The following ITGA2 variants were observed in gnomAD, a reference collection of about 807,000 sequenced individuals.
ITGA2 encodes the protein integrin subunit alpha 2.
Under a neutral mutation model 146.3 loss-of-function variants are expected in ITGA2, and 101 were observed. The ratio of observed to expected loss-of-function variants is 0.69; its 90% confidence interval spans 0.59 to 0.81. ITGA2 has a LOEUF of 0.81. ITGA2 is among the 40% of genes least tolerant of loss of function. ITGA2 has a pLI of 0.00. For synonymous variants in ITGA2, 477 were observed against 487.1 expected (o/e 0.98, Z 0.27); for missense variants, 1,281 against 1,402.7 (o/e 0.91, Z 1.39).
At position 53,089,972 on chromosome 5, in the gene ITGA2, T is replaced by C. The variant is rs771104266; in HGVS notation, c.3375T>C (p.Asp1125=). 35 of 1,610,882 alleles carry C rather than the reference T, an allele frequency of 2.2e-5. No homozygotes were observed. Among genetic ancestry groups the C allele is most frequent in the Non-Finnish European group, 2.8e-5 (33 of 1,177,198 alleles). ...TTCCCCTGATGATAATGAAACCTGA[T>C]GAGAAAGCCGAAGTACCAACAGGAG... ...VTIPLMIMKP[D]EKAEVPTGVI... is the part of the protein sequence containing the mutation. The change falls in exon 29 of 30, where the codon GAT becomes GAC. Residue 1125 remains aspartate, a synonymous_variant. Coordinates refer to ENST00000296585, the MANE Select transcript of ITGA2 (RefSeq NM_002203.4).
chr5:53,080,654 C>T lies in ITGA2; in HGVS notation c.3039+33C>T. 2 of 1,435,806 alleles carry T rather than the reference C, an allele frequency of 1.4e-6. 1 individual carries two copies. 88.9% of individuals were successfully genotyped at this position (1,435,806 alleles called of 1,614,324 possible). A position where few individuals can be genotyped will look rare whatever the true frequency, so the allele number is the denominator to read the frequency against. On this transcript the variant is annotated intron_variant, in intron 25 of 29. Coordinates refer to ENST00000296585, the MANE Select transcript of ITGA2 (RefSeq NM_002203.4). ...TTAAAAAATTGCCTAAAAATGTGTA[C>T]TTTCAAGATGTAAATAACCCATGAG... is the stretch of plus-strand genomic sequence containing the variant.
chr5:53,010,227 C>A (rs543377659), intron 1 of ITGA2, among the ~76,000 whole-genome samples: 1 of 152,212 alleles, frequency 6.6e-6, no homozygotes, highest in South Asian at 2.1e-4. Flanking sequence ...AAAATGTTAT[C>A]TCAGCAGAAG....
chr5:53,042,134 A>C lies in ITGA2; in HGVS notation c.208A>C (p.Ser70Arg). Residue 70 changes from serine (S) to arginine (R), a missense_variant, in exon 3 of 30, where the codon AGT becomes CGT. Ser to Arg is a moderately radical substitution (Grantham distance 110). Transcript: ENST00000296585. ...TAGGTTACTGGTTGGTTCACCCTGG[A>C]GTGGCTTTCCTGAGAACCGAATGGG... ...GNWLLVGSPWSGFPENRMGDV... is the reference protein window; with the variant it reads ...GNWLLVGSPWRGFPENRMGDV... 6.2e-7 allele frequency: 1 copy of C among 1,612,844 alleles called. No individual in the cohort carries two copies. The highest frequency in any genetic ancestry group is 8.5e-7 in the Non-Finnish European group (1 of 1,178,864).
intron 9 of ITGA2, 86 bp from the exon 10 acceptor site, chr5:53,057,939 T>C: frequency 1.2e-6 from 1 of 868,508 alleles, no homozygotes; most frequent in East Asian, 2.5e-5. Context: ...TTTGTAGGCA[T>C]GTGTGTACAT....
chr5:53,090,567 G>C lies in ITGA2; in HGVS notation c.3514G>C (p.Glu1172Gln), dbSNP rs1740364164. 6.2e-7 allele frequency: 1 copy of C among 1,613,946 alleles called. No individual in the cohort carries two copies. ...TGAAAAGATGACCAAAAATCCAGAT[G>C]AGATTGATGAGACCACAGAGCTCAG... ...KYEKMTKNPD[E>Q]IDETTELSS Residue 1172 changes from glutamate (E) to glutamine (Q), a missense_variant, in exon 30 of 30, where the codon GAG becomes CAG. Glu to Gln is a conservative substitution (Grantham distance 29). Around this residue, in one of 3 missense-constraint regions of ITGA2, gnomAD observed 475 missense variants for 530.5 expected, o/e 0.90. Transcript: ENST00000296585.
At position 53,060,934 on chromosome 5, in the gene ITGA2, G is replaced by A. The variant is rs201736329; in HGVS notation, c.1346G>A (p.Ser449Asn). Residue 449 changes from serine to asparagine, a missense_variant, in exon 12 of 30, where the codon AGC (serine) becomes AAC (asparagine). By Grantham distance (46) the Ser-to-Asn change is conservative (BLOSUM62 1). Transcript: ENST00000296585. Reference sequence around the variant, plus strand: ...GTGGCTGCAATTTCTACTGGAGAAAGCACTCACTTTGTTGCTGGTGCTCCT... The same window carrying A: ...GTGGCTGCAATTTCTACTGGAGAAAACACTCACTTTGTTGCTGGTGCTCCT... ...YSVAAISTGE[S>N]THFVAGAPRA... 2.5e-5 allele frequency: 41 copies of A among 1,612,462 alleles called. No individual in the cohort carries two copies. The highest frequency in any genetic ancestry group is 2.2e-4 in the East Asian group (10 of 44,810).
At chr5:53,039,575 A>G (rs1743673716) in intron 2 of ITGA2, among the ~76,000 whole-genome samples, 1 of 151,692 alleles carries the variant, frequency 6.6e-6, no homozygotes, top group African/African-American at 2.4e-5. Flanking sequence ...AAAATCCCCT[A>G]CTAAAAATAC....
chr5:53,000,876 C>CT (rs1162516774), intron 1 of ITGA2, among the ~76,000 whole-genome samples: 19 of 103,118 alleles, frequency 1.8e-4, no homozygotes, highest in Non-Finnish European at 3.7e-4. Flanking sequence ...AAAGCATTTT[C>CT]TTTTTTTTCT....
In ITGA2 at chr5:53,090,587, G is replaced by A. The variant is rs2112053330; in HGVS notation, c.3534G>A (p.Glu1178=). Reference sequence around the variant, plus strand: ...CAGATGAGATTGATGAGACCACAGAGCTCAGTAGCTGAACCAGCAGACCTA... The same window carrying A: ...CAGATGAGATTGATGAGACCACAGAACTCAGTAGCTGAACCAGCAGACCTA... The part of the protein sequence containing the change: ...KNPDEIDETT[E]LSS The change falls in exon 30 of 30, where the codon GAG becomes GAA. Residue 1178 remains glutamate (E), a synonymous_variant. Coordinates refer to ENST00000296585, the MANE Select transcript of ITGA2 (RefSeq NM_002203.4). 6.2e-7 allele frequency: 1 copy of A among 1,613,930 alleles called. No individual in the cohort carries two copies. Among genetic ancestry groups the A allele is most frequent in the South Asian group, 1.1e-5 (1 of 91,080 alleles).
intron 1 of ITGA2, among the ~76,000 whole-genome samples, chr5:53,003,117 G>A (rs1218809200): frequency 6.6e-6 from 1 of 152,088 alleles, no homozygotes; most frequent in East Asian, 1.9e-4. Context: ...ATCATTTTAA[G>A]CTACCCATTG....
intron 1 of ITGA2, among the ~76,000 whole-genome samples, chr5:52,992,268 C>T (rs1740999282): frequency 6.6e-6 from 1 of 152,212 alleles, no homozygotes; most frequent in African/African-American, 2.4e-5. Context: ...AGGCTCTTTC[C>T]TTGTTGGTGT....
rs537379708 is a variant in ITGA2 at position 53,037,608 on chromosome 5, G to A, written c.186-4504G>A. On this transcript the variant is annotated intron_variant, in intron 2 of 29. Transcript: ENST00000296585. ...TGATGTCCTAGCCTCTTCTTATGAG[G>A]GTGAGTTGTCAGGAACTAGGATTTC... 5.3e-4 allele frequency among the ~76,000 whole-genome samples: 80 copies of A among 152,234 alleles called. No homozygotes were observed. In the Middle Eastern group the frequency reaches 0.014, roughly 26 times the overall value.
intron 1 of ITGA2, among the ~76,000 whole-genome samples, chr5:53,017,995 G>A (rs1032732513): frequency 6.6e-6 from 1 of 152,070 alleles, no homozygotes; most frequent in Non-Finnish European, 1.5e-5. Flanking sequence ...CTGATGGCCA[G>A]GCATGGTCTG....
Position 53,091,892 on chromosome 5 carries a change from G to A in ITGA2, c.*1293G>A, listed in dbSNP as rs1018368683. Reference sequence around the variant, plus strand: ...ACCAGAAGTTACAGATGAGGCACTGGAAGCCACCAAATTAGCAGGTGCACC... The same window carrying A: ...ACCAGAAGTTACAGATGAGGCACTGAAAGCCACCAAATTAGCAGGTGCACC... On this transcript the variant is annotated 3_prime_UTR_variant, in exon 30 of 30. Coordinates refer to ENST00000296585, the MANE Select transcript of ITGA2 (RefSeq NM_002203.4). The A allele has an allele frequency of 1.3e-5, 2 of 152,160 alleles. No individual in the cohort carries two copies. Among genetic ancestry groups the A allele is most frequent in the Non-Finnish European group, 2.9e-5 (2 of 68,034 alleles). 9.4% of individuals were successfully genotyped at this position (152,160 alleles called of 1,614,324 possible). A position where few individuals can be genotyped will look rare whatever the true frequency, so the allele number is the denominator to read the frequency against.
At chr5:53,083,486 A>G (rs745346694) in intron 27 of ITGA2, 33 bp downstream of exon 27, 3 of 1,265,612 alleles carry the variant, frequency 2.4e-6, no homozygotes, top group Non-Finnish European at 3.5e-6. Context: ...AGATTTATCA[A>G]TAGCAAGGAA....
intron 7 of ITGA2, among the ~76,000 whole-genome samples, chr5:53,053,504 A>G (rs1744487329): frequency 1.3e-5 from 2 of 152,146 alleles, no homozygotes; most frequent in Non-Finnish European, 2.9e-5. Context: ...GGTTTTCAGC[A>G]GGGAAGGTGG....
Position 53,090,910 on chromosome 5 carries a change from T to C in ITGA2, c.*311T>C. 1.8e-6 allele frequency: 1 copy of C among 560,004 alleles called. No homozygotes were observed. Among genetic ancestry groups the C allele is most frequent in the Non-Finnish European group, 3.2e-6 (1 of 316,776 alleles). The allele number at this position is 560,004 out of a possible 1,614,324, so 34.7% of individuals were successfully genotyped here. On this transcript the variant is annotated 3_prime_UTR_variant, in exon 30 of 30. Coordinates refer to ENST00000296585, the MANE Select transcript of ITGA2 (RefSeq NM_002203.4). ...GCATTGTGTCAGAAACATGAAATGC[T>C]TCCAAGCATGACAACTTTTAAAGAA...
At chr5:53,083,695 G>A (rs1487304500) in intron 27 of ITGA2, among the ~76,000 whole-genome samples, 3 of 152,128 alleles carry the variant, frequency 2.0e-5, no homozygotes, top group African/African-American at 2.4e-5. Flanking sequence ...GACTCCATGC[G>A]ACCTACCACA....
At chr5:53,033,573 T>C (rs1402136201) in intron 2 of ITGA2, among the ~76,000 whole-genome samples, 1 of 152,052 alleles carries the variant, frequency 6.6e-6, no homozygotes, top group Non-Finnish European at 1.5e-5. Context: ...CAGAGTTTGC[T>C]TATATCTTAT....
Sources: allele counts gnomAD v4.1 joint callset (sites outside exome capture counted in the v4.1 genomes callset), GRCh38; gene constraint gnomAD v4.1.1; regional missense constraint gnomAD v4.1.1; transcripts MANE v1.5; gene names NCBI Gene and HGNC (gene_info 2026-07-23, HGNC 2026-07-21).